The following FSIP2 variants were observed in gnomAD, a reference collection of about 807,000 sequenced individuals.
FSIP2 encodes the protein fibrous sheath-interacting protein 2.
A neutral mutation model predicts 510.5 loss-of-function variants in FSIP2; 367 were observed. That is an observed-to-expected ratio of 0.72 (90% CI 0.66 to 0.78). The LOEUF (loss-of-function observed/expected upper bound fraction) is 0.78, where lower values mean the gene tolerates loss of function less well. Among genes scored for constraint, FSIP2 ranks in the 30% least tolerant of loss-of-function variants. The pLI is 0.00. For synonymous variants in FSIP2, 2,601 were observed against 2,732.2 expected (o/e 0.95, Z 1.50); for missense variants, 7,594 against 7,901.7 (o/e 0.96, Z 1.48).
chr2:185,776,339 T>C (rs1325846073), intron 13 of FSIP2, among the ~76,000 whole-genome samples: 1 of 152,174 alleles, frequency 6.6e-6, no homozygotes, highest in African/African-American at 2.4e-5. Context: ...TATTTTACTA[T>C]GGATGTACAA....
Position 185,822,404 on chromosome 2 carries a change from T to C in FSIP2, c.20427-2030T>C, listed in dbSNP as rs189287587. ...AATCAACACAGAAAAATAAGCTGCA[T>C]TCTGTATAATTACACTGAACAATCT... On this transcript the variant is annotated intron_variant, in intron 19 of 22. Coordinates refer to ENST00000424728, the MANE Select transcript of FSIP2 (RefSeq NM_173651.4). Among the ~76,000 whole-genome samples the C allele has an allele frequency of 3.6e-3, 547 of 152,056 alleles. 2 individuals carry two copies. Among genetic ancestry groups the C allele is most frequent in the Non-Finnish European group, 5.7e-3 (388 of 67,932 alleles).
chr2:185,740,271 C>T (rs1691898550), intron 2 of FSIP2: 1 of 152,206 alleles, frequency 6.6e-6, no homozygotes, highest in South Asian at 2.1e-4. Flanking sequence ...TCACGTTGCC[C>T]TTGATTTGTG....
At chr2:185,748,373 C>T (rs1346448209) in intron 7 of FSIP2, among the ~76,000 whole-genome samples, 3 of 151,654 alleles carry the variant, frequency 2.0e-5, no homozygotes, top group Non-Finnish European at 1.5e-5. Context: ...AACTCCTGAG[C>T]TCAAATGATT....
At chr2:185,829,518 T>C (rs914200182) in intron 21 of FSIP2, among the ~76,000 whole-genome samples, 1 of 151,992 alleles carries the variant, frequency 6.6e-6, no homozygotes, top group Non-Finnish European at 1.5e-5. Flanking sequence ...AGAGAAACCA[T>C]TGTTTTCTGA....
chr2:185,747,894 CAAT>C (rs1018501288), intron 7 of FSIP2, among the ~76,000 whole-genome samples: 6 of 152,016 alleles, frequency 3.9e-5, no homozygotes, highest in Admixed American at 1.3e-4. Flanking sequence ...CACCCCCCAA[CAAT>C]GTTTCCAATA....
At chr2:185,811,688 A>AT (rs1195050822) in intron 17 of FSIP2, among the ~76,000 whole-genome samples, 8 of 152,030 alleles carry the variant, frequency 5.3e-5, no homozygotes, top group African/African-American at 1.9e-4. Context: ...ACTCTGTTTG[A>AT]TTTCAGTTCT....
At chr2:185,756,599 GA>G (rs1186668007) in intron 9 of FSIP2, among the ~76,000 whole-genome samples, 2 of 151,300 alleles carry the variant, frequency 1.3e-5, no homozygotes, top group African/African-American at 4.8e-5. Context: ...AATAATCTCA[GA>G]AAACTCTGAA....
chr2:185,809,178 A>T lies in FSIP2; in HGVS notation c.19827+45A>T, dbSNP rs146597916. Reference sequence around the variant, plus strand: ...CATGAAAATGAGTGAATAGTGAGACATGGTTCTTCTGTGATTTCCTTCCTC... The same window carrying T: ...CATGAAAATGAGTGAATAGTGAGACTTGGTTCTTCTGTGATTTCCTTCCTC... On this transcript the variant is annotated intron_variant, in intron 17 of 22. Transcript: ENST00000424728. 1.3e-3 allele frequency: 1,907 copies of T among 1,503,726 alleles called. 29 individuals are homozygous for T. The African/African-American group carries it at 0.025, about 19-fold the overall frequency. 93.1% of individuals were successfully genotyped at this position (1,503,726 alleles called of 1,614,324 possible). A position where few individuals can be genotyped will look rare whatever the true frequency, so the allele number is the denominator to read the frequency against.
At chr2:185,758,156 C>T (rs575197374) in intron 9 of FSIP2, among the ~76,000 whole-genome samples, 1 of 151,396 alleles carries the variant, frequency 6.6e-6, no homozygotes, top group Admixed American at 6.6e-5. Context: ...CAAGTTACAG[C>T]ATGTGTCAAT....
upstream of FSIP2, chr2:185,738,205 C>G (rs568719795): frequency 8.8e-6 from 2 of 228,074 alleles, no homozygotes; most frequent in South Asian, 1.1e-4. Context: ...CTGCCCAGTG[C>G]TTAGCTCAAT....
intron 8 of FSIP2, among the ~76,000 whole-genome samples, 178 bp downstream of exon 8, chr2:185,754,020 A>G (rs1314929821): frequency 6.6e-6 from 1 of 151,528 alleles, no homozygotes; most frequent in African/African-American, 2.4e-5. Context: ...AACAATGATA[A>G]CAAATTATAA....
chr2:185,799,874 A>G lies in FSIP2; in HGVS notation c.10568A>G (p.Glu3523Gly), dbSNP rs2105635608. Reference protein sequence around the residue: ...SISDGTKKGREKEKAWEIQEA... With the variant: ...SISDGTKKGRGKEKAWEIQEA... ...TCTGATGGCACCAAAAAGGGTAGAG[A>G]AAAAGAGAAAGCATGGGAAATTCAA... The change falls in exon 17 of 23, where the codon GAA (glutamate) becomes GGA (glycine). Residue 3523 changes from glutamate to glycine, a missense_variant. Physicochemically the swap from Glu to Gly is moderately conservative, Grantham distance 98. Coordinates refer to ENST00000424728, the MANE Select transcript of FSIP2 (RefSeq NM_173651.4). 6.5e-7 allele frequency: 1 copy of G among 1,533,654 alleles called. No individual in the cohort carries two copies. The highest frequency in any genetic ancestry group is 8.7e-7 in the Non-Finnish European group (1 of 1,145,398).
At chr2:185,755,590 C>A (rs1207313246) in intron 8 of FSIP2, among the ~76,000 whole-genome samples, 2 of 151,444 alleles carry the variant, frequency 1.3e-5, no homozygotes, top group African/African-American at 4.8e-5. Context: ...TATCTTCCAA[C>A]AAGTAAACAA....
In FSIP2 at chr2:185,797,477, A is replaced by G; in HGVS notation, c.10341A>G (p.Arg3447=). The change falls in exon 16 of 23, where the codon AGA becomes AGG. Residue 3447 remains arginine (R), a synonymous_variant. Coordinates refer to ENST00000424728, the MANE Select transcript of FSIP2 (RefSeq NM_173651.4). ...MGSNEVHLIA[R]HVTTSVVTYL... is the part of the protein sequence containing the mutation. ...CCAATGAAGTTCATCTGATAGCAAG[A>G]CATGTCACCACATCTGTGGTCACAT... 4.6e-6 allele frequency: 7 copies of G among 1,519,758 alleles called. No homozygotes were observed. Among genetic ancestry groups the G allele is most frequent in the Non-Finnish European group, 6.1e-6 (7 of 1,142,302 alleles). The allele number at this position is 1,519,758 out of a possible 1,614,324, so 94.1% of individuals were successfully genotyped here.
intron 17 of FSIP2, among the ~76,000 whole-genome samples, chr2:185,811,759 C>T (rs976191135): frequency 6.6e-6 from 1 of 152,102 alleles, no homozygotes; most frequent in African/African-American, 2.4e-5. Context: ...ACATTCCTCA[C>T]ATTCCCACCG....
At position 185,789,621 on chromosome 2, in the gene FSIP2, GA is replaced by G. The variant is rs1279164395; in HGVS notation, c.2489del (p.Lys830SerfsTer2). 5.2e-6 allele frequency: 8 copies of G among 1,534,534 alleles called. No individual in the cohort carries two copies. The highest frequency in any genetic ancestry group is 6.1e-6 in the Non-Finnish European group (7 of 1,145,840). On this transcript the variant is annotated frameshift_variant, in exon 16 of 23. Transcript: ENST00000424728. LOFTEE classifies it high-confidence loss of function. ...AGAGGACATGGTGCATGCCATTTTA[GA>G]AAAGCTAATGACTCTTGTTTCTTTT... is the stretch of plus-strand genomic sequence containing the variant. ...IAEDMVHAIL[E>X]KLMTLVSFKQ... is the part of the protein sequence containing the mutation.
chr2:185,747,474 T>C, intron 7 of FSIP2, 51 bp downstream of exon 7: 1 of 1,050,502 alleles, frequency 9.5e-7, no homozygotes, highest in Non-Finnish European at 1.4e-6. Flanking sequence ...GAAGATTTTG[T>C]TTTGGTTTTT....
chr2:185,819,173 G>T (rs1408635516), intron 19 of FSIP2, among the ~76,000 whole-genome samples: 1 of 151,698 alleles, frequency 6.6e-6, no homozygotes, highest in Non-Finnish European at 1.5e-5. Flanking sequence ...CTTGTAGTAA[G>T]CACAAAGAAA....
rs539621658 is a variant in FSIP2 at position 185,764,494 on chromosome 2, T to C, written c.1348-8T>C. On this transcript the variant is annotated splice_polypyrimidine_tract_variant and splice_region_variant and intron_variant, in intron 12 of 22. Coordinates refer to ENST00000424728, the MANE Select transcript of FSIP2 (RefSeq NM_173651.4). ...GATCTATTTGTTTTGCTGTTGTGAA[T>C]TATGTAGAAGGAGACAAATGCTGAT... 8.1e-5 allele frequency: 123 copies of C among 1,521,454 alleles called. No individual in the cohort carries two copies. The highest frequency in any genetic ancestry group is 1.0e-4 in the Admixed American group (5 of 50,092). The allele number at this position is 1,521,454 out of a possible 1,614,324, so 94.2% of individuals were successfully genotyped here.
Sources: allele counts gnomAD v4.1 joint callset (sites outside exome capture counted in the v4.1 genomes callset), GRCh38; gene constraint gnomAD v4.1.1; transcripts MANE v1.5; gene names NCBI Gene and HGNC (gene_info 2026-07-23, HGNC 2026-07-21).